The following HECW2 variants were observed in gnomAD, a reference collection of about 807,000 sequenced individuals.
HECW2 encodes HECT, C2 and WW domain containing E3 ubiquitin protein ligase 2.
A neutral mutation model predicts 175.2 loss-of-function variants in HECW2; 61 were observed. The ratio of observed to expected loss-of-function variants is 0.35; its 90% CI spans 0.28 to 0.43. HECW2 has a LOEUF of 0.43. Among genes scored for constraint, HECW2 ranks in the 20% least tolerant of loss-of-function variants. The probability of loss-of-function intolerance (pLI) is 1.00; values close to 1 mark genes in which losing one functional copy is unlikely to be tolerated. For missense variants in HECW2, 1,524 were observed against 2,000.5 expected (o/e 0.76, Z 4.54); for synonymous variants, 671 against 731.0 (o/e 0.92, Z 1.32).
At chr2:196,523,222 A>C (rs188147702) in intron 1 of HECW2, among the ~76,000 whole-genome samples, 17,995 of 151,856 alleles carry the variant, frequency 0.12, 1,343 homozygotes, top group Non-Finnish European at 0.15. Context: ...TAGGTATTTT[A>C]TTCTCTTTGA....
chr2:196,220,007 T>TA (rs1164130871), intron 26 of HECW2, 32 bp downstream of exon 26: 1 of 1,384,570 alleles, frequency 7.2e-7, no homozygotes, highest in African/African-American at 1.4e-5. Flanking sequence ...ATTTGAAATT[T>TA]AAAATCTAGC....
At chr2:196,245,713 T>C (rs1166445071) in intron 19 of HECW2, among the ~76,000 whole-genome samples, 2 of 152,236 alleles carry the variant, frequency 1.3e-5, no homozygotes, top group Non-Finnish European at 2.9e-5. Context: ...AAACTGGCTA[T>C]TGACCAATAA....
chr2:196,472,021 C>T (rs905777589), intron 1 of HECW2, among the ~76,000 whole-genome samples: 3 of 149,812 alleles, frequency 2.0e-5, no homozygotes, highest in African/African-American at 7.4e-5. Flanking sequence ...CTAAAAGTCA[C>T]TTATAGACGA....
At chr2:196,349,544 C>T (rs538117690) in intron 2 of HECW2, among the ~76,000 whole-genome samples, 25 of 136,334 alleles carry the variant, frequency 1.8e-4, no homozygotes, top group East Asian at 3.9e-4. Context: ...TGTGTGCGCG[C>T]GCACACATGC....
At chr2:196,581,175 G>A (rs1399717777) in intron 1 of HECW2, among the ~76,000 whole-genome samples, 1 of 152,188 alleles carries the variant, frequency 6.6e-6, no homozygotes, top group African/African-American at 2.4e-5. Context: ...TTTCTATTTA[G>A]AGGTGATGAA....
intron 14 of HECW2, among the ~76,000 whole-genome samples, chr2:196,280,650 C>T (rs1486583129): frequency 1.3e-5 from 2 of 152,174 alleles, no homozygotes; most frequent in African/African-American, 4.8e-5. Context: ...TTGAGTGAAA[C>T]ATCCTTCTTC....
At position 196,200,987 on chromosome 2, in the gene HECW2, T is replaced by C; in HGVS notation, c.*290A>G. ...AAAAATTACCGTGGAGCTGATCATGTATGGGTTCATCTTTGTCTTGGAACA... is the reference window on the plus strand; with the variant it reads ...AAAAATTACCGTGGAGCTGATCATGCATGGGTTCATCTTTGTCTTGGAACA... On this transcript the variant is annotated 3_prime_UTR_variant, in exon 29 of 29. Transcript: ENST00000644978. 3.5e-6 allele frequency: 1 copy of C among 289,004 alleles called. No homozygotes were observed. The highest frequency in any genetic ancestry group is 6.8e-6 in the Non-Finnish European group (1 of 146,464). 17.9% of individuals were successfully genotyped at this position (289,004 alleles called of 1,614,324 possible). A position where few individuals can be genotyped will look rare whatever the true frequency, so the allele number is the denominator to read the frequency against.
chr2:196,326,637 T>C (rs1575418028), intron 5 of HECW2, among the ~76,000 whole-genome samples: 1 of 151,778 alleles, frequency 6.6e-6, no homozygotes, highest in East Asian at 1.9e-4. Flanking sequence ...AGAGATGGGG[T>C]TTCACCATGT....
intron 2 of HECW2, among the ~76,000 whole-genome samples, chr2:196,357,059 G>A (rs1693398052): frequency 6.6e-6 from 1 of 152,176 alleles, no homozygotes; most frequent in Non-Finnish European, 1.5e-5. Flanking sequence ...TTAAAGCAGG[G>A]AAGTGACATG....
intron 1 of HECW2, among the ~76,000 whole-genome samples, chr2:196,461,829 G>A (rs1055804208): frequency 2.0e-5 from 3 of 152,158 alleles, no homozygotes; most frequent in African/African-American, 7.2e-5. Context: ...ACCTCCACCT[G>A]GTCTCTCGCC....
At chr2:196,257,449 T>G (rs1444408269) in intron 18 of HECW2, among the ~76,000 whole-genome samples, 1 of 152,172 alleles carries the variant, frequency 6.6e-6, no homozygotes, top group African/African-American at 2.4e-5. Flanking sequence ...AAACATATTT[T>G]GAGAAAAACA....
chr2:196,361,314 T>C lies in HECW2; in HGVS notation c.293-17550A>G, dbSNP rs150872310. ...AGACTGTCATTCAATCAACAGTCTC[T>C]AGAATATGGATGTCTATGAATACTT... On this transcript the variant is annotated intron_variant, in intron 2 of 28. Coordinates refer to ENST00000644978, the MANE Select transcript of HECW2 (RefSeq NM_001348768.2). Among the ~76,000 whole-genome samples, 998 of 152,316 alleles carry C rather than the reference T, an allele frequency of 6.6e-3. 8 individuals carry two copies. Among genetic ancestry groups the C allele is most frequent in the Middle Eastern group, 0.02 (6 of 294 alleles).
chr2:196,405,047 G>GA (rs1380029797), intron 2 of HECW2, among the ~76,000 whole-genome samples: 1 of 150,280 alleles, frequency 6.7e-6, no homozygotes, highest in Non-Finnish European at 1.5e-5. Context: ...TAGCCAGGAT[G>GA]GTCTCAATCT....
At chr2:196,564,222 T>C (rs1690104314) in intron 1 of HECW2, among the ~76,000 whole-genome samples, 1 of 152,098 alleles carries the variant, frequency 6.6e-6, no homozygotes, top group African/African-American at 2.4e-5. Flanking sequence ...TTCAAATTAG[T>C]CATAATTTTA....
At chr2:196,203,213 T>C (rs1686932184) in intron 28 of HECW2, among the ~76,000 whole-genome samples, 1 of 152,166 alleles carries the variant, frequency 6.6e-6, no homozygotes, top group Admixed American at 6.5e-5. Context: ...GATATATTGG[T>C]GGAAATCATC....
intron 22 of HECW2, among the ~76,000 whole-genome samples, chr2:196,227,261 C>T (rs762575095): frequency 4.6e-5 from 7 of 152,184 alleles, no homozygotes; most frequent in Non-Finnish European, 7.3e-5. Flanking sequence ...TTCCATGAAT[C>T]CTGCTCATAT....
Position 196,200,324 on chromosome 2 carries a change from A to G in HECW2, c.*953T>C, listed in dbSNP as rs1325033686. On this transcript the variant is annotated 3_prime_UTR_variant, in exon 29 of 29. Coordinates refer to ENST00000644978, the MANE Select transcript of HECW2 (RefSeq NM_001348768.2). The stretch of plus-strand genomic sequence containing the variant: ...ACATTCAGTGCAAAATATTTGGGGA[A>G]TTTTTTTTACCTTTATAAAAATAAA... The G allele has an allele frequency of 6.6e-6, 1 of 152,280 alleles. No homozygotes were observed. Among genetic ancestry groups the G allele is most frequent in the African/African-American group, 2.4e-5 (1 of 41,318 alleles). 9.4% of individuals were successfully genotyped at this position (152,280 alleles called of 1,614,324 possible). A position where few individuals can be genotyped will look rare whatever the true frequency, so the allele number is the denominator to read the frequency against.
At chr2:196,573,959 T>C (rs750770307) in intron 1 of HECW2, among the ~76,000 whole-genome samples, 44 of 151,814 alleles carry the variant, frequency 2.9e-4, no homozygotes, top group Non-Finnish European at 5.9e-4. Context: ...GGCAAGAGGA[T>C]TGCCTGAACC....
intron 14 of HECW2, chr2:196,288,594 C>T (rs1690482545): frequency 1.3e-5 from 2 of 152,136 alleles, no homozygotes; most frequent in Admixed American, 1.3e-4. Flanking sequence ...CCTTATAAGT[C>T]ATCATGCATT....
Sources: gnomAD v4.1 joint callset for allele counts (sites outside exome capture counted in the v4.1 genomes callset) on GRCh38, gnomAD v4.1.1 for gene constraint, MANE v1.5 for transcripts, NCBI Gene and HGNC (gene_info 2026-07-23, HGNC 2026-07-21) for gene names.